Variants in EFCC1 observed in about 807,000 individuals in gnomAD.
EFCC1 encodes the protein EF-hand and coiled-coil domain-containing protein 1.
A neutral mutation model predicts 52.1 loss-of-function variants in EFCC1; 50 were observed. The observed-to-expected ratio is 0.96, with a 90% confidence interval of 0.76 to 1.21. The LOEUF (loss-of-function observed/expected upper bound fraction) is 1.21. Among genes scored for constraint, EFCC1 ranks in the 50% most tolerant of loss-of-function variants. EFCC1 has a pLI of 0.00. For synonymous variants in EFCC1, 399 were observed against 396.5 expected, an observed-to-expected ratio of 1.01 and a Z score of -0.08; for missense variants, 837 against 867.3, an observed-to-expected ratio of 0.97 and a Z score of 0.44.
intron 3 of EFCC1, 65 bp from the exon 4 acceptor site, chr3:129,032,754 C>G: frequency 6.6e-7 from 1 of 1,525,852 alleles, no homozygotes; most frequent in East Asian, 2.5e-5. Context: ...GCACATGTCC[C>G]CCTGGGGAGG....
At chr3:129,035,188 A>G (rs957954153) in intron 5 of EFCC1, among the ~76,000 whole-genome samples, 3 of 152,218 alleles carry the variant, frequency 2.0e-5, no homozygotes, top group African/African-American at 7.2e-5. Flanking sequence ...TTACTTATAT[A>G]TGGCCTGATG....
intron 2 of EFCC1, among the ~76,000 whole-genome samples, chr3:129,027,518 G>A (rs942774720): frequency 5.9e-5 from 9 of 152,306 alleles, no homozygotes; most frequent in Non-Finnish European, 1.0e-4. Flanking sequence ...GCCCCTCCTG[G>A]GTGCTGCAGG....
Position 129,034,187 on chromosome 3 carries a change from A to C in EFCC1, c.1310A>C (p.Lys437Thr). The change falls in exon 5 of 8, where the codon AAG becomes ACG. Residue 437 changes from lysine (K) to threonine (T), a missense_variant. Coordinates refer to ENST00000683648, the MANE Select transcript of EFCC1 (RefSeq NM_001377500.1). ...AGGTGTGATGACCAGACGGCGGAGAAGCTCATGACTTACTTTGGTCACTTC... is the reference window on the plus strand; with the variant it reads ...AGGTGTGATGACCAGACGGCGGAGACGCTCATGACTTACTTTGGTCACTTC... Reference protein sequence around the residue: ...RGRCDDQTAEKLMTYFGHFGG... With the variant: ...RGRCDDQTAETLMTYFGHFGG... 6.2e-7 allele frequency: 1 copy of C among 1,614,234 alleles called. No homozygotes were observed. Among genetic ancestry groups the C allele is most frequent in the Non-Finnish European group, 8.5e-7 (1 of 1,180,040 alleles).
In EFCC1 at chr3:129,001,587, G is replaced by C. The variant is rs1944750562; in HGVS notation, c.-42G>C. ...GCCCCTGGAAGTGGCGGGGCGAAGG[G>C]ACCGGAGGAGGGACCGGAGGAGCGA... On this transcript the variant is annotated 5_prime_UTR_variant, in exon 1 of 8. Transcript: ENST00000683648. 1 of 1,351,164 alleles carries C rather than the reference G, an allele frequency of 7.4e-7. No homozygotes were observed. The highest frequency in any genetic ancestry group is 9.5e-7 in the Non-Finnish European group (1 of 1,058,160). 83.7% of individuals were successfully genotyped at this position (1,351,164 alleles called of 1,614,324 possible).
chr3:129,005,620 T>A (rs2107860789), intron 2 of EFCC1, among the ~76,000 whole-genome samples: 1 of 152,310 alleles, frequency 6.6e-6, no homozygotes, highest in East Asian at 1.9e-4. Context: ...CAGAGCCCAG[T>A]GAGGGGCTCC....
At position 129,034,080 on chromosome 3, in the gene EFCC1, A is replaced by G. The variant is rs1946323461; in HGVS notation, c.1287-84A>G. ...GGCTTTGCTTTAGGAGGCCAACTCC[A>G]CACCACCACCACCTCTCCAAGGCTG... On this transcript the variant is annotated intron_variant, in intron 4 of 7. Transcript: ENST00000683648. 1.9e-6 allele frequency: 3 copies of G among 1,568,434 alleles called. No individual in the cohort carries two copies. The South Asian group carries it at 3.5e-5, about 18-fold the overall frequency.
intron 2 of EFCC1, among the ~76,000 whole-genome samples, chr3:129,027,466 T>G (rs532405116): frequency 4.6e-5 from 7 of 152,110 alleles, no homozygotes; most frequent in Non-Finnish European, 1.0e-4. Context: ...CCGCGGGGGC[T>G]CACCCCAGTC....
intron 5 of EFCC1, among the ~76,000 whole-genome samples, chr3:129,034,748 C>T (rs1344101649): frequency 6.6e-6 from 1 of 152,180 alleles, no homozygotes; most frequent in Admixed American, 6.5e-5. Context: ...ATCAGCCCAC[C>T]TGGGAAGCCC....
rs1946403847 is a variant in EFCC1, at chr3:129,039,970, T to C, written c.*122T>C. 6.0e-6 allele frequency: 8 copies of C among 1,327,226 alleles called. No homozygotes were observed. In the South Asian group the frequency reaches 6.5e-5, roughly 11 times the overall value. 82.2% of individuals were successfully genotyped at this position (1,327,226 alleles called of 1,614,324 possible). ...GTCACATCATCAGAACTTGAGTCTC[T>C]GCTGGCTCCTTCCAAGGTTAAGCCC... On this transcript the variant is annotated 3_prime_UTR_variant, in exon 8 of 8. Coordinates refer to ENST00000683648, the MANE Select transcript of EFCC1 (RefSeq NM_001377500.1).
chr3:129,030,111 G>A (rs1221384326), intron 2 of EFCC1, among the ~76,000 whole-genome samples: 7 of 151,984 alleles, frequency 4.6e-5, no homozygotes, highest in Non-Finnish European at 8.8e-5. Context: ...GCTTGAGCCC[G>A]GGAGGTTTGG....
In EFCC1 at chr3:129,004,055, G is replaced by T; in HGVS notation, c.958G>T (p.Glu320Ter). 1 of 1,511,232 alleles carries T rather than the reference G, an allele frequency of 6.6e-7. No individual in the cohort carries two copies. Among genetic ancestry groups the T allele is most frequent in the Non-Finnish European group, 8.8e-7 (1 of 1,136,594 alleles). 93.6% of individuals were successfully genotyped at this position (1,511,232 alleles called of 1,614,324 possible). A position where few individuals can be genotyped will look rare whatever the true frequency, so the allele number is the denominator to read the frequency against. ...PGLQRWVRRLEAELQRYRSED... is the reference protein window; with the variant it reads ...PGLQRWVRRL The stretch of plus-strand genomic sequence containing the variant: ...CTTGCAGCGCTGGGTGCGGCGGCTG[G>T]AGGCGGAGCTGCAACGCTACAGGTG... The change falls in exon 2 of 8, where the codon GAG becomes TAG. Residue 320 changes from glutamate to a stop codon, truncating the protein, a stop_gained. Transcript: ENST00000683648. LOFTEE classifies it high-confidence loss of function.
chr3:129,003,986 C>T lies in EFCC1; in HGVS notation c.889C>T (p.His297Tyr). 6.7e-7 allele frequency: 1 copy of T among 1,497,842 alleles called. No homozygotes were observed. Among genetic ancestry groups the T allele is most frequent in the Non-Finnish European group, 8.8e-7 (1 of 1,131,084 alleles). The allele number at this position is 1,497,842 out of a possible 1,614,324, so 92.8% of individuals were successfully genotyped here. A position where few individuals can be genotyped will look rare whatever the true frequency, so the allele number is the denominator to read the frequency against. The change falls in exon 2 of 8, where the codon CAC becomes TAC. Residue 297 changes from histidine to tyrosine, a missense_variant. Physicochemically the swap from His to Tyr is moderately conservative, Grantham distance 83. Coordinates refer to ENST00000683648, the MANE Select transcript of EFCC1 (RefSeq NM_001377500.1). The stretch of plus-strand genomic sequence containing the variant: ...CCGGCAGGTGGTGCTGCGCAGCCTG[C>T]ACCGCGTGCGAGAGCTGGAGGCGCT... ...EARQVVLRSL[H>Y]RVRELEALAQ...
chr3:129,005,093 T>C (rs1251366031), intron 2 of EFCC1, among the ~76,000 whole-genome samples: 1 of 152,252 alleles, frequency 6.6e-6, no homozygotes, highest in East Asian at 1.9e-4. Context: ...ACACATTTGC[T>C]GAGCACTTTC....
intron 6 of EFCC1, among the ~76,000 whole-genome samples, chr3:129,037,596 C>T (rs1946372678): frequency 1.3e-5 from 2 of 152,168 alleles, no homozygotes; most frequent in Admixed American, 1.3e-4. Context: ...ACCAAATGAT[C>T]ATCTCAATTG....
chr3:129,025,977 C>T (rs1468514254), intron 2 of EFCC1, among the ~76,000 whole-genome samples: 2 of 152,238 alleles, frequency 1.3e-5, no homozygotes, highest in Non-Finnish European at 1.5e-5. Flanking sequence ...GGCCTGGAGC[C>T]TCCCGCCTGA....
At chr3:129,024,171 G>T (rs914401763) in intron 2 of EFCC1, among the ~76,000 whole-genome samples, 1 of 152,144 alleles carries the variant, frequency 6.6e-6, no homozygotes, top group African/African-American at 2.4e-5. Context: ...AGCCAGGAGA[G>T]GTGTCTTATT....
At chr3:129,033,977 T>C (rs1447263484) in intron 4 of EFCC1, among the ~76,000 whole-genome samples, 187 bp from the exon 5 acceptor site, 1 of 152,182 alleles carries the variant, frequency 6.6e-6, no homozygotes, top group African/African-American at 2.4e-5. Flanking sequence ...ATGGGGCAGA[T>C]CAGGTGAAGC....
Position 129,002,156 on chromosome 3 carries a change from G to GCGCCGTCCGCGCCGCCGC in EFCC1, c.534_551dup (p.Arg180_Pro185dup). On this transcript the variant is annotated inframe_insertion, in exon 1 of 8. Coordinates refer to ENST00000683648, the MANE Select transcript of EFCC1 (RefSeq NM_001377500.1). ...AGCACATCGAGACGCAGATCCGCCT[G>GCGCCGTCCGCGCCGCCGC]CGCCGTCCGCGCCGCCGCCGCCGCC... 1 of 1,470,518 alleles carries GCGCCGTCCGCGCCGCCGC rather than the reference G, an allele frequency of 6.8e-7. No homozygotes were observed. Among genetic ancestry groups the GCGCCGTCCGCGCCGCCGC allele is most frequent in the Non-Finnish European group, 8.9e-7 (1 of 1,121,630 alleles). The allele number at this position is 1,470,518 out of a possible 1,614,324, so 91.1% of individuals were successfully genotyped here.
intron 4 of EFCC1, among the ~76,000 whole-genome samples, chr3:129,033,589 G>C (rs1201704222): frequency 6.6e-6 from 1 of 152,216 alleles, no homozygotes; most frequent in Non-Finnish European, 1.5e-5. Flanking sequence ...GTAAAATGCT[G>C]TTGATTTTCT....
Sources: allele counts gnomAD v4.1 joint callset (sites outside exome capture counted in the v4.1 genomes callset), GRCh38; gene constraint gnomAD v4.1.1; transcripts MANE v1.5; gene names NCBI Gene and HGNC (gene_info 2026-07-23, HGNC 2026-07-21).